The following CIMIP2B variants were observed in gnomAD, a reference collection of about 807,000 sequenced individuals.
CIMIP2B encodes the protein family with sequence similarity 166 member B.
the CIMIP2B span, chr9:35,562,983 C>G: frequency 6.2e-7 from 1 of 1,614,012 alleles, no homozygotes; most frequent in Non-Finnish European, 8.5e-7. Flanking sequence ...GCTCTTCACT[C>G]CCTTGCTTTT....
the CIMIP2B span, chr9:35,561,840 GTATTTATT>G: frequency 3.7e-5 from 23 of 622,332 alleles, no homozygotes; most frequent in Non-Finnish European, 5.4e-5. Flanking sequence ...GTCTGTTTAT[GTATTTATT>G]TATTTATTTA....
chr9:35,563,601 C>T, the CIMIP2B span, among the ~76,000 whole-genome samples: 19 of 152,194 alleles, frequency 1.2e-4, no homozygotes, highest in African/African-American at 4.3e-4. Flanking sequence ...GGGGCAGACC[C>T]GGTGTCTCAC....
the CIMIP2B span, chr9:35,562,481 T>C: frequency 4.4e-6 from 7 of 1,583,588 alleles, no homozygotes; most frequent in Non-Finnish European, 6.0e-6. Flanking sequence ...GCCTGGTGAG[T>C]GCTTCTGCCC....
At chr9:35,562,051 C>T in the CIMIP2B span, 1 of 1,535,670 alleles carries the variant, frequency 6.5e-7, no homozygotes, top group Admixed American at 2.0e-5. Context: ...CCCAGAGCAT[C>T]ATGGGTGAGA....
chr9:35,562,574 C>G, the CIMIP2B span: 4 of 1,601,216 alleles, frequency 2.5e-6, no homozygotes, highest in Non-Finnish European at 3.4e-6. Flanking sequence ...GCCAGTGAAG[C>G]CTGAGGATGG....
At chr9:35,562,396 A>ATAGTTAGT in the CIMIP2B span, 82 of 1,487,980 alleles carry the variant, frequency 5.5e-5, 2 homozygotes, top group South Asian at 9.4e-4. Flanking sequence ...CGTAGCCCCC[A>ATAGTTAGT]TAGTTAGGTA....
At chr9:35,562,505 G>A in the CIMIP2B span, 1 of 1,577,570 alleles carries the variant, frequency 6.3e-7, no homozygotes, top group Non-Finnish European at 8.6e-7. Flanking sequence ...TTCCTGCAGT[G>A]CCTGGTTGGT....
At chr9:35,562,124 T>C in the CIMIP2B span, 72 of 1,465,978 alleles carry the variant, frequency 4.9e-5, 1 homozygote, top group South Asian at 8.4e-4. Flanking sequence ...CTGTCACATG[T>C]AGCAAGTGGC....
chr9:35,563,428 C>G, the CIMIP2B span: 1 of 1,478,902 alleles, frequency 6.8e-7, no homozygotes, highest in South Asian at 1.2e-5. Context: ...AATCGCCCTG[C>G]CCCGCCATCC....
the CIMIP2B span, chr9:35,563,800 C>G: frequency 1.2e-6 from 2 of 1,613,972 alleles, no homozygotes; most frequent in South Asian, 2.2e-5. Flanking sequence ...AGGGTTGAGC[C>G]CTGGTATGAA....
chr9:35,562,715 C>A, the CIMIP2B span: 1 of 1,613,422 alleles, frequency 6.2e-7, no homozygotes, highest in African/African-American at 1.3e-5. Flanking sequence ...GAGAGAAGCC[C>A]CTGTGCTGTC....
At chr9:35,561,902 T>A in the CIMIP2B span, 1 of 788,324 alleles carries the variant, frequency 1.3e-6, no homozygotes, top group Non-Finnish European at 2.1e-6. Flanking sequence ...CAAACCATTT[T>A]CTCTTTGTGT....
the CIMIP2B span, chr9:35,562,926 C>A: frequency 6.2e-7 from 1 of 1,614,030 alleles, no homozygotes; most frequent in Non-Finnish European, 8.5e-7. Flanking sequence ...CCGGCTCTGG[C>A]ACCTGGTCCT....
the CIMIP2B span, chr9:35,562,831 C>A: frequency 6.2e-7 from 1 of 1,612,858 alleles, no homozygotes. Context: ...AGTAAGACCC[C>A]CACTCCCACA....
chr9:35,563,382 C>T, the CIMIP2B span: 1 of 1,609,728 alleles, frequency 6.2e-7, no homozygotes, highest in Non-Finnish European at 8.5e-7. Context: ...GGGCAGTGTC[C>T]AGTGTACCTG....
chr9:35,561,927 A>AGGCCCCC, the CIMIP2B span: 1 of 192,554 alleles, frequency 5.2e-6, no homozygotes, highest in Non-Finnish European at 9.8e-6. Context: ...CCACCCTCCC[A>AGGCCCCC]CCCTCCCACC....
the CIMIP2B span, chr9:35,563,677 C>T: frequency 2.8e-5 from 36 of 1,263,610 alleles, no homozygotes; most frequent in African/African-American, 1.0e-4. Flanking sequence ...CCAACCTGTC[C>T]GCTTGGCCCC....
the CIMIP2B span, chr9:35,561,938 C>CACA: frequency 4.8e-6 from 2 of 417,942 alleles, no homozygotes; most frequent in Non-Finnish European, 4.7e-6. Context: ...CCCTCCCACC[C>CACA]ACCTCTCTCC....
chr9:35,562,493 A>C, the CIMIP2B span: 1 of 1,580,928 alleles, frequency 6.3e-7, no homozygotes, highest in Non-Finnish European at 8.6e-7. Flanking sequence ...CTTCTGCCCA[A>C]ATTCCTGCAG....
Sources: allele counts gnomAD v4.1 joint callset (sites outside exome capture counted in the v4.1 genomes callset), GRCh38; gene constraint gnomAD v4.1.1; transcripts MANE v1.5; gene names NCBI Gene and HGNC (gene_info 2026-07-23, HGNC 2026-07-21).